Variants in PBX1 observed in about 807,000 individuals in gnomAD.
PBX1 encodes PBX homeobox 1, also known as pre-B-cell leukemia transcription factor 1.
PBX1 carries 6 observed loss-of-function variants against 53.4 expected under a neutral mutation model. The observed-to-expected ratio is 0.11, with a 90% confidence interval of 0.06 to 0.22. The LOEUF is 0.22. Among genes scored for constraint, PBX1 ranks in the 10% least tolerant of loss-of-function variants. The pLI is 1.00. For missense variants in PBX1, 251 were observed against 551.4 expected (o/e 0.46, Z 5.46); for synonymous variants, 204 against 212.3 (o/e 0.96, Z 0.34).
chr1:164,860,669 A>C (rs1240712882), intron 2 of PBX1, among the ~76,000 whole-genome samples: 2 of 152,114 alleles, frequency 1.3e-5, no homozygotes, highest in East Asian at 3.9e-4. Context: ...ATGCATAGAC[A>C]TTCTATTTCT....
At chr1:164,840,328 C>A (rs562226360) in intron 8 of PBX1, among the ~76,000 whole-genome samples, 2 of 150,510 alleles carry the variant, frequency 1.3e-5, no homozygotes, top group East Asian at 3.9e-4. Flanking sequence ...AATGGAAATA[C>A]TACATGGGAT....
intron 2 of PBX1, among the ~76,000 whole-genome samples, chr1:164,685,566 C>G (rs1662048843): frequency 6.6e-6 from 1 of 152,174 alleles, no homozygotes; most frequent in Non-Finnish European, 1.5e-5. Context: ...GTATTTGTTT[C>G]CCCTGCAAAG....
chr1:164,830,904 C>A (rs1447565048), intron 8 of PBX1, among the ~76,000 whole-genome samples: 1 of 152,160 alleles, frequency 6.6e-6, no homozygotes, highest in African/African-American at 2.4e-5. Context: ...TTAACGAGAT[C>A]CCCTGGCAAT....
intron 2 of PBX1, among the ~76,000 whole-genome samples, chr1:164,668,726 G>T (rs1660954173): frequency 6.6e-6 from 1 of 152,208 alleles, no homozygotes; most frequent in Admixed American, 6.5e-5. Flanking sequence ...GCCAGGACCG[G>T]CTCCTCGCGC....
downstream of PBX1, among the ~76,000 whole-genome samples, chr1:164,852,149 T>A (rs1029120734): frequency 6.6e-6 from 1 of 152,234 alleles, no homozygotes; most frequent in Non-Finnish European, 1.5e-5. Context: ...CCATAATAAA[T>A]TCTAAGTTCC....
chr1:164,832,937 T>C (rs1020848939), intron 8 of PBX1, among the ~76,000 whole-genome samples: 7 of 151,778 alleles, frequency 4.6e-5, no homozygotes, highest in Non-Finnish European at 8.8e-5. Flanking sequence ...AGTAATAAAA[T>C]AAGGAAGTGG....
At chr1:164,563,101 A>C (rs527658908) in intron 1 of PBX1, 137 bp from the exon 2 acceptor site, 224 of 535,284 alleles carry the variant, frequency 4.2e-4, no homozygotes, top group Non-Finnish European at 5.6e-4. Flanking sequence ...TAAGTCATGA[A>C]AACAACTGAA....
chr1:164,794,041 A>G (rs1668665559), intron 3 of PBX1, among the ~76,000 whole-genome samples: 1 of 151,800 alleles, frequency 6.6e-6, no homozygotes, highest in Admixed American at 6.6e-5. Context: ...TACCCAGCTA[A>G]TCTTTGTAGT....
intron 3 of PBX1, among the ~76,000 whole-genome samples, chr1:164,796,863 A>G (rs1307955321): frequency 6.6e-6 from 1 of 152,196 alleles, no homozygotes; most frequent in African/African-American, 2.4e-5. Context: ...TTAATTAACA[A>G]TTGTAACCCC....
chr1:164,699,825 G>A (rs1663010826), intron 2 of PBX1, among the ~76,000 whole-genome samples: 1 of 152,186 alleles, frequency 6.6e-6, no homozygotes, highest in African/African-American at 2.4e-5. Context: ...AAAGGGAGCT[G>A]TGATGCTGTC....
At chr1:164,564,449 GCT>G (rs1234981265) in intron 2 of PBX1, among the ~76,000 whole-genome samples, 2 of 152,042 alleles carry the variant, frequency 1.3e-5, no homozygotes, top group Admixed American at 6.6e-5. Flanking sequence ...CTTTTTGAGA[GCT>G]CTCTGTGTTT....
intron 2 of PBX1, among the ~76,000 whole-genome samples, chr1:164,639,974 TA>T (rs541120079): frequency 3.2e-4 from 46 of 145,494 alleles, no homozygotes; most frequent in East Asian, 1.0e-3. Context: ...TGTTCTATAT[TA>T]AAAAAAAAAA....
chr1:164,866,162 A>G (rs909850322), intron 2 of PBX1, among the ~76,000 whole-genome samples: 5 of 152,224 alleles, frequency 3.3e-5, no homozygotes, highest in Admixed American at 6.5e-5. Context: ...AGCCAAAAAT[A>G]TATTCTTATT....
chr1:164,767,621 A>T (rs1667131595), intron 2 of PBX1, among the ~76,000 whole-genome samples: 1 of 151,894 alleles, frequency 6.6e-6, no homozygotes, highest in Admixed American at 6.6e-5. Flanking sequence ...AAAGGGGAGG[A>T]TGTAAAAGTG....
chr1:164,624,468 C>T (rs1229241031), intron 2 of PBX1, among the ~76,000 whole-genome samples: 1 of 152,192 alleles, frequency 6.6e-6, no homozygotes, highest in African/African-American at 2.4e-5. Flanking sequence ...TAGAGGCATG[C>T]ATTCCTTCAG....
chr1:164,671,599 T>A (rs1661114437), intron 2 of PBX1, among the ~76,000 whole-genome samples: 1 of 152,178 alleles, frequency 6.6e-6, no homozygotes, highest in African/African-American at 2.4e-5. Flanking sequence ...TCAGTATGAT[T>A]TCTGAAAGGC....
At chr1:164,578,416 C>G (rs780418907) in intron 2 of PBX1, among the ~76,000 whole-genome samples, 2 of 152,150 alleles carry the variant, frequency 1.3e-5, no homozygotes, top group Non-Finnish European at 2.9e-5. Context: ...AAATACCGTT[C>G]AACATTTTTG....
intron 2 of PBX1, among the ~76,000 whole-genome samples, chr1:164,636,600 T>G (rs985906947): frequency 1.3e-5 from 2 of 152,170 alleles, no homozygotes; most frequent in Admixed American, 1.3e-4. Flanking sequence ...CATTGAACTT[T>G]GGACACCTAG....
chr1:164,870,294 T>TTTCTTTCTTTCTTTCC (rs1672338092), intron 2 of PBX1, among the ~76,000 whole-genome samples: 1 of 44,906 alleles, frequency 2.2e-5, no homozygotes, highest in Non-Finnish European at 4.4e-5. Flanking sequence ...TCTTTCTTTC[T>TTTCTTTCTTTCTTTCC]TTCTTTCTTT....
Sources: gnomAD v4.1 joint callset for allele counts (sites outside exome capture counted in the v4.1 genomes callset) on GRCh38, gnomAD v4.1.1 for gene constraint, MANE v1.5 for transcripts, NCBI Gene and HGNC (gene_info 2026-07-23, HGNC 2026-07-21) for gene names.